Variants in MAMLD1 observed in about 807,000 individuals in gnomAD.
MAMLD1 encodes mastermind-like domain-containing protein 1.
Under a neutral mutation model 45.0 loss-of-function variants are expected in MAMLD1, and 14 were observed. The observed-to-expected ratio is 0.31, with a 90% CI of 0.21 to 0.49. The LOEUF (loss-of-function observed/expected upper bound fraction) is 0.49, where lower values mean the gene tolerates loss of function less well. MAMLD1 is among the 20% of genes least tolerant of loss of function. MAMLD1 has a pLI of 0.99. For missense variants in MAMLD1, 543 were observed against 603.6 expected (o/e 0.90, Z 1.05); for synonymous variants, 254 against 247.8 (o/e 1.02, Z -0.24).
chrX:150,370,208 A>C (rs782093314), intron 1 of MAMLD1, among the ~76,000 whole-genome samples: 2 of 109,339 alleles, frequency 1.8e-5, no homozygotes, highest in African/African-American at 3.3e-5. Context: ...CCCATCATAC[A>C]CCTCTCACAA....
At chrX:150,436,297 C>A (rs2035121890) in intron 1 of MAMLD1, among the ~76,000 whole-genome samples, 1 of 111,577 alleles carries the variant, frequency 9.0e-6, no homozygotes, top group Admixed American at 9.5e-5. Context: ...TTCTTGTGGA[C>A]AATATCCTGA....
intron 1 of MAMLD1, among the ~76,000 whole-genome samples, chrX:150,365,922 C>T (rs1462838706): frequency 1.8e-5 from 2 of 112,574 alleles, no homozygotes; most frequent in Non-Finnish European, 3.8e-5. Flanking sequence ...TTATAACTGC[C>T]CCCCTAAAAC....
At chrX:150,473,393 G>A (rs1230621924) in intron 4 of MAMLD1, among the ~76,000 whole-genome samples, 2 of 112,545 alleles carry the variant, frequency 1.8e-5, no homozygotes, top group African/African-American at 6.5e-5. Context: ...GGAAGCACCT[G>A]TCAAGGGCTG....
intron 5 of MAMLD1, among the ~76,000 whole-genome samples, chrX:150,495,962 C>T (rs1603014756): frequency 8.9e-6 from 1 of 112,014 alleles, no homozygotes; most frequent in East Asian, 2.8e-4. Flanking sequence ...ATCTCCTCTC[C>T]TATTCTCTCT....
chrX:150,413,680 C>G (rs2034177919), intron 1 of MAMLD1, among the ~76,000 whole-genome samples: 1 of 109,563 alleles, frequency 9.1e-6, no homozygotes, highest in Non-Finnish European at 1.9e-5. Context: ...GTGGGAGGAG[C>G]TACAAGAATG....
At chrX:150,361,757 G>A (rs1350215780), upstream of MAMLD1, 2 of 113,039 alleles carry the variant, frequency 1.8e-5, no homozygotes, top group Non-Finnish European at 3.8e-5. Context: ...AAATACCCGG[G>A]AGGTGGGATA....
rs144237423 is a variant in MAMLD1, at chrX:150,406,802, C to T, written c.-63-38652C>T. On this transcript the variant is annotated intron_variant, in intron 1 of 7. Coordinates refer to ENST00000370401, the MANE Select transcript of MAMLD1 (RefSeq NM_005491.5). The stretch of plus-strand genomic sequence containing the variant: ...AGGGTCTGACTCAGCTTCTCCCCTG[C>T]CCCTCCTTCATTTGCGCTCTCCACT... Among the ~76,000 whole-genome samples the T allele has an allele frequency of 2.1e-4, 23 of 111,253 alleles. No homozygotes were observed. In the East Asian group the frequency reaches 3.7e-3, roughly 18 times the overall value.
chrX:150,497,995 G>T (rs2037440463), intron 5 of MAMLD1, among the ~76,000 whole-genome samples: 1 of 111,197 alleles, frequency 9.0e-6, no homozygotes, highest in Admixed American at 9.5e-5. Context: ...TCATAGGATT[G>T]TCCTGAGGAT....
At chrX:150,395,977 C>CA (rs1569564528) in intron 1 of MAMLD1, among the ~76,000 whole-genome samples, 1 of 102,612 alleles carries the variant, frequency 9.7e-6, no homozygotes, top group Non-Finnish European at 2.0e-5. Context: ...GTTTAATGTG[C>CA]TTTTTTTTTT....
intron 1 of MAMLD1, among the ~76,000 whole-genome samples, chrX:150,441,918 G>A (rs781814986): frequency 1.4e-4 from 16 of 111,166 alleles, no homozygotes; most frequent in African/African-American, 2.0e-4. Context: ...CTATTTCTCC[G>A]TTCAGTTCTA....
In MAMLD1 at chrX:150,450,828, T is replaced by C. The variant is rs782059530; in HGVS notation, c.96+5216T>C. Among the ~76,000 whole-genome samples the C allele has an allele frequency of 2.7e-5, 3 of 112,651 alleles. No individual in the cohort carries two copies. The East Asian group carries it at 8.4e-4, about 32-fold the overall frequency. ...AGGAGACCTGAATCTGTAATGTAGC[T>C]GTGAGCATTCTGGGTCAAGGGCTGC... On this transcript the variant is annotated intron_variant, in intron 2 of 7. Coordinates refer to ENST00000370401, the MANE Select transcript of MAMLD1 (RefSeq NM_005491.5).
rs782814825 is a variant in MAMLD1, at chrX:150,377,813, A to G, written c.-64+14283A>G. Among the ~76,000 whole-genome samples the G allele has an allele frequency of 4.1e-3, 226 of 55,205 alleles. 3 individuals carry two copies. Among genetic ancestry groups the G allele is most frequent in the African/African-American group, 0.015 (216 of 14,716 alleles). 47.9% of individuals were successfully genotyped at this position (55,205 alleles called of 115,157 possible). The stretch of plus-strand genomic sequence containing the variant: ...TACCACATTCTATGTTATATCTACC[A>G]CCCCCTCACACACACACACACACAC... On this transcript the variant is annotated intron_variant, in intron 1 of 7. Coordinates refer to ENST00000370401, the MANE Select transcript of MAMLD1 (RefSeq NM_005491.5).
At chrX:150,364,868 C>A (rs968161642) in intron 1 of MAMLD1, among the ~76,000 whole-genome samples, 2 of 113,052 alleles carry the variant, frequency 1.8e-5, no homozygotes, top group African/African-American at 3.2e-5. Flanking sequence ...GCGGCCCCGG[C>A]CCGCGCCTGG....
rs145116827 is a variant in MAMLD1, at chrX:150,486,731, T to G, written c.2040+12929T>G. 4.5e-3 allele frequency among the ~76,000 whole-genome samples: 500 copies of G among 111,784 alleles called. 2 individuals carry two copies. Among genetic ancestry groups the G allele is most frequent in the African/African-American group, 0.015 (456 of 30,719 alleles). ...TCTGAATTTGGTCAGTATATAGCTC[T>G]TCATGTTTCAGGGACCACTGGTCAC... On this transcript the variant is annotated intron_variant, in intron 5 of 7. Coordinates refer to ENST00000370401, the MANE Select transcript of MAMLD1 (RefSeq NM_005491.5).
chrX:150,424,835 C>A (rs1190454942), intron 1 of MAMLD1, among the ~76,000 whole-genome samples: 1 of 111,827 alleles, frequency 8.9e-6, no homozygotes, highest in Non-Finnish European at 1.9e-5. Context: ...ACAATTAATT[C>A]AAGAACATTT....
intron 1 of MAMLD1, among the ~76,000 whole-genome samples, chrX:150,363,903 G>C (rs191676039): frequency 1.4e-3 from 157 of 113,256 alleles, no homozygotes; most frequent in Admixed American, 0.011. Context: ...CCCCCGGGTC[G>C]CTTGCAGCCT....
At position 150,385,809 on chromosome X, in the gene MAMLD1, A is replaced by G. The variant is rs1459555811; in HGVS notation, c.-64+22279A>G. ...TTATTTCTCTAAAAAATGTTTCTAT[A>G]TAATACCAATCCTTCTTCCACCATT... On this transcript the variant is annotated intron_variant, in intron 1 of 7. Coordinates refer to ENST00000370401, the MANE Select transcript of MAMLD1 (RefSeq NM_005491.5). Among the ~76,000 whole-genome samples, 7 of 112,058 alleles carry G rather than the reference A, an allele frequency of 6.2e-5. 1 individual carries two copies. In the South Asian group the frequency reaches 2.3e-3, roughly 36 times the overall value.
In MAMLD1 at chrX:150,392,015, G is replaced by C. The variant is rs187423066; in HGVS notation, c.-64+28485G>C. Reference sequence around the variant, plus strand: ...ACCCTGGGCCCTGCTGGGGAAAGTGGGGTACTAAATTGCCCTGCCTTGTTG... The same window carrying C: ...ACCCTGGGCCCTGCTGGGGAAAGTGCGGTACTAAATTGCCCTGCCTTGTTG... On this transcript the variant is annotated intron_variant, in intron 1 of 7. Transcript: ENST00000370401. Among the ~76,000 whole-genome samples the C allele has an allele frequency of 2.5e-3, 279 of 111,691 alleles. 3 individuals are homozygous for C. Among genetic ancestry groups the C allele is most frequent in the African/African-American group, 8.8e-3 (270 of 30,703 alleles).
At chrX:150,431,098 A>T (rs1452356159) in intron 1 of MAMLD1, among the ~76,000 whole-genome samples, 1 of 112,059 alleles carries the variant, frequency 8.9e-6, no homozygotes, top group African/African-American at 3.2e-5. Context: ...CATTTCTTTA[A>T]TTCTTTGATT....
Sources: gnomAD v4.1 joint callset for allele counts (sites outside exome capture counted in the v4.1 genomes callset) on GRCh38, gnomAD v4.1.1 for gene constraint, MANE v1.5 for transcripts, NCBI Gene and HGNC (gene_info 2026-07-23, HGNC 2026-07-21) for gene names.